The following TNKS variants were observed in gnomAD, a reference collection of about 807,000 sequenced individuals.
TNKS encodes poly [ADP-ribose] polymerase tankyrase-1.
In TNKS, 72 loss-of-function variants were observed where a neutral mutation model predicts 135.8. The ratio of observed to expected loss-of-function variants is 0.53; its 90% CI spans 0.44 to 0.64. The LOEUF (loss-of-function observed/expected upper bound fraction) is 0.64, where lower values mean the gene tolerates loss of function less well. TNKS is among the 30% of genes least tolerant of loss of function. The pLI is 0.00. For missense variants in TNKS, 1,769 were observed against 1,674.0 expected (o/e 1.06, Z -0.99); for synonymous variants, 849 against 649.3 (o/e 1.31, Z -4.68).
Position 9,777,279 on chromosome 8 carries a change from C to T in TNKS, c.*543C>T, listed in dbSNP as rs1440227450. 1 of 154,150 alleles carries T rather than the reference C, an allele frequency of 6.5e-6. No homozygotes were observed. The highest frequency in any genetic ancestry group is 1.5e-5 in the Non-Finnish European group (1 of 68,934). The allele number at this position is 154,150 out of a possible 1,614,324, so 9.5% of individuals were successfully genotyped here. On this transcript the variant is annotated 3_prime_UTR_variant, in exon 27 of 27. Coordinates refer to ENST00000310430, the MANE Select transcript of TNKS (RefSeq NM_003747.3). Reference sequence around the variant, plus strand: ...TTGCACAAAGTCACGCTGACAAAATCATTAGCAGTGCAACCCAAGCTTCTG... The same window carrying T: ...TTGCACAAAGTCACGCTGACAAAATTATTAGCAGTGCAACCCAAGCTTCTG...
chr8:9,680,706 A>T lies in TNKS; in HGVS notation c.1032-19A>T, dbSNP rs773836613. 1 of 1,565,382 alleles carries T rather than the reference A, an allele frequency of 6.4e-7. No individual in the cohort carries two copies. Among genetic ancestry groups the T allele is most frequent in the African/African-American group, 1.4e-5 (1 of 73,842 alleles). On this transcript the variant is annotated intron_variant, in intron 4 of 26. Transcript: ENST00000310430. The stretch of plus-strand genomic sequence containing the variant: ...AAGCTTTGTAATTTTAGAGGAATTG[A>T]CTTACTACCTTTTTATAGGAGTGGT...
intron 1 of TNKS, chr8:9,558,189 G>T (rs931441232): frequency 6.6e-6 from 1 of 152,054 alleles, no homozygotes; most frequent in East Asian, 1.9e-4. Flanking sequence ...ATTTTATTCT[G>T]TTTCATTTTT....
intron 8 of TNKS, 114 bp downstream of exon 8, chr8:9,707,111 A>C: frequency 2.3e-6 from 2 of 886,768 alleles, no homozygotes; most frequent in Middle Eastern, 3.6e-4. Context: ...CTAATTCATA[A>C]TCCTCATTTC....
chr8:9,745,717 T>C (rs1261704389), intron 17 of TNKS, among the ~76,000 whole-genome samples: 2 of 152,156 alleles, frequency 1.3e-5, no homozygotes, highest in African/African-American at 4.8e-5. Context: ...TTTTTTGTTT[T>C]TGGGGGCGTT....
rs192668664 is a variant in TNKS, at chr8:9,619,411, G to C, written c.994+3734G>C. On this transcript the variant is annotated intron_variant, in intron 3 of 26. Transcript: ENST00000310430. ...AAAGAGGTAAGAGCAGATTGAGCCT[G>C]AGAGTTTGGAAAAGGATAGATAACC... is the stretch of plus-strand genomic sequence containing the variant. 9.3e-4 allele frequency among the ~76,000 whole-genome samples: 142 copies of C among 152,274 alleles called. 5 individuals carry two copies. Among genetic ancestry groups the C allele is most frequent in the Admixed American group, 7.6e-3 (116 of 15,294 alleles).
chr8:9,664,968 A>G (rs2128789824), intron 3 of TNKS, among the ~76,000 whole-genome samples: 1 of 152,362 alleles, frequency 6.6e-6, no homozygotes, highest in Non-Finnish European at 1.5e-5. Context: ...ACTTCTATGC[A>G]TTAAGCCAAA....
intron 25 of TNKS, among the ~76,000 whole-genome samples, chr8:9,766,854 G>A (rs1585441143): frequency 6.6e-6 from 1 of 152,160 alleles, no homozygotes; most frequent in East Asian, 1.9e-4. Context: ...AAATCCCGTT[G>A]GTTCTGGGAA....
At chr8:9,768,975 C>T (rs1024429404) in intron 25 of TNKS, among the ~76,000 whole-genome samples, 1 of 152,198 alleles carries the variant, frequency 6.6e-6, no homozygotes, top group Non-Finnish European at 1.5e-5. Context: ...TACTCCATTA[C>T]TAAAAACAAT....
chr8:9,567,566 C>A (rs1184606325), intron 1 of TNKS, among the ~76,000 whole-genome samples: 1 of 152,176 alleles, frequency 6.6e-6, no homozygotes, highest in East Asian at 1.9e-4. Flanking sequence ...CAGGCGCCCG[C>A]CACCACGCCC....
chr8:9,587,370 A>G (rs1406234019), intron 2 of TNKS, among the ~76,000 whole-genome samples: 1 of 151,958 alleles, frequency 6.6e-6, no homozygotes, highest in Non-Finnish European at 1.5e-5. Context: ...AGTCACCAGT[A>G]AGGAATTCAG....
chr8:9,676,686 C>G (rs62491548), intron 3 of TNKS, among the ~76,000 whole-genome samples: 4,746 of 147,706 alleles, frequency 0.032, 93 homozygotes, highest in Non-Finnish European at 0.045. Context: ...CTCTCTCTCT[C>G]TGTGTGTGTG....
At chr8:9,710,983 G>A (rs1381497572) in intron 11 of TNKS, among the ~76,000 whole-genome samples, 2 of 152,054 alleles carry the variant, frequency 1.3e-5, no homozygotes, top group Non-Finnish European at 2.9e-5. Flanking sequence ...AATTTTTACT[G>A]GCATTTTCTG....
Position 9,733,329 on chromosome 8 carries a change from C to T in TNKS, c.2198C>T (p.Ala733Val). 6.2e-7 allele frequency: 1 copy of T among 1,606,872 alleles called. No homozygotes were observed. Among genetic ancestry groups the T allele is most frequent in the Non-Finnish European group, 8.5e-7 (1 of 1,177,994 alleles). Residue 733 changes from alanine to valine, a missense_variant, in exon 15 of 27, where the codon GCT (alanine) becomes GTT (valine). By Grantham distance (64) the Ala-to-Val change is moderately conservative. Coordinates refer to ENST00000310430, the MANE Select transcript of TNKS (RefSeq NM_003747.3). ...NACSYGHYEV[A>V]ELLVRHGASV... ...TGTTCATATGGACACTATGAGGTGGCTGAGCTTTTAGTAAGGCATGGGGCT... is the reference window on the plus strand; with the variant it reads ...TGTTCATATGGACACTATGAGGTGGTTGAGCTTTTAGTAAGGCATGGGGCT...
chr8:9,658,202 G>A (rs1309477177), intron 3 of TNKS: 9 of 281,366 alleles, frequency 3.2e-5, no homozygotes, highest in Admixed American at 5.6e-5. Flanking sequence ...GACGATGGGC[G>A]GCCAGGCAGA....
intron 17 of TNKS, among the ~76,000 whole-genome samples, chr8:9,738,592 A>T (rs1310196248): frequency 2.7e-5 from 1 of 37,578 alleles, no homozygotes; most frequent in Admixed American, 3.8e-4. Flanking sequence ...AGATTCTGGT[A>T]TGTGGAGTCT....
In TNKS at chr8:9,778,946, C is replaced by T. The variant is rs1808353257; in HGVS notation, c.*2210C>T. Reference sequence around the variant, plus strand: ...ATACTAACTAGATGAATGGATGCGCCAGTTTTCATCTTGGTCCTTACACTT... The same window carrying T: ...ATACTAACTAGATGAATGGATGCGCTAGTTTTCATCTTGGTCCTTACACTT... On this transcript the variant is annotated 3_prime_UTR_variant, in exon 27 of 27. Coordinates refer to ENST00000310430, the MANE Select transcript of TNKS (RefSeq NM_003747.3). The T allele has an allele frequency of 6.6e-6, 1 of 152,192 alleles. No individual in the cohort carries two copies. The highest frequency in any genetic ancestry group is 2.4e-5 in the African/African-American group (1 of 41,444). The allele number at this position is 152,192 out of a possible 1,614,324, so 9.4% of individuals were successfully genotyped here. A position where few individuals can be genotyped will look rare whatever the true frequency, so the allele number is the denominator to read the frequency against.
At position 9,620,869 on chromosome 8, in the gene TNKS, G is replaced by T. The variant is rs191720312; in HGVS notation, c.994+5192G>T. Among the ~76,000 whole-genome samples, 6 of 152,272 alleles carry T rather than the reference G, an allele frequency of 3.9e-5. No individual in the cohort carries two copies. In the East Asian group the frequency reaches 1.2e-3, roughly 29 times the overall value. ...TGTGTTGTTGTTATTTGTCCCAGTA[G>T]AATGAAAGCATCATAAGGGTTTGGA... On this transcript the variant is annotated intron_variant, in intron 3 of 26. Transcript: ENST00000310430.
At chr8:9,770,504 AG>A (rs1291062309) in intron 26 of TNKS, among the ~76,000 whole-genome samples, 2 of 152,258 alleles carry the variant, frequency 1.3e-5, no homozygotes, top group Non-Finnish European at 2.9e-5. Flanking sequence ...TGAGAAACAA[AG>A]GCTTGGGCCC....
intron 7 of TNKS, 90 bp from the exon 8 acceptor site, chr8:9,706,721 C>G: frequency 4.0e-6 from 5 of 1,265,448 alleles, no homozygotes; most frequent in Non-Finnish European, 5.4e-6. Flanking sequence ...CAAGTTATAA[C>G]TGAAATTTAC....
Sources: allele counts gnomAD v4.1 joint callset (sites outside exome capture counted in the v4.1 genomes callset), GRCh38; gene constraint gnomAD v4.1.1; transcripts MANE v1.5; gene names NCBI Gene and HGNC (gene_info 2026-07-23, HGNC 2026-07-21).